AGMO: variants seen among roughly 807,000 people sequenced by gnomAD.
The protein encoded by AGMO is alkylglycerol monooxygenase, also known as glyceryl-ether monooxygenase.
Under a neutral mutation model 60.2 loss-of-function variants are expected in AGMO, and 75 were observed. The observed-to-expected ratio is 1.25, with a 90% CI of 1.03 to 1.51. The LOEUF (loss-of-function observed/expected upper bound fraction) is 1.51. Ranked by LOEUF, AGMO falls within the 40% of genes most tolerant of loss-of-function variation. AGMO has a pLI of 0.00. For missense variants in AGMO, 763 were observed against 525.5 expected, an observed-to-expected ratio of 1.45 and a Z score of -4.42; for synonymous variants, 261 against 177.1, an observed-to-expected ratio of 1.47 and a Z score of -3.76.
At chr7:15,218,114 A>G (rs1563039883) in intron 12 of AGMO, among the ~76,000 whole-genome samples, 1 of 152,130 alleles carries the variant, frequency 6.6e-6, no homozygotes, top group Non-Finnish European at 1.5e-5. Context: ...AAACAATTAA[A>G]TGCTGTAGAT....
At chr7:15,141,440 G>A in the AGMO span, among the ~76,000 whole-genome samples, 6 of 152,006 alleles carry the variant, frequency 3.9e-5, no homozygotes, top group East Asian at 1.9e-4. Context: ...AAAATTAGCC[G>A]AGTGTGGTGG....
At chr7:15,490,901 T>C (rs1253612201) in intron 3 of AGMO, among the ~76,000 whole-genome samples, 2 of 152,184 alleles carry the variant, frequency 1.3e-5, no homozygotes, top group African/African-American at 2.4e-5. Flanking sequence ...TTGAAAGCAG[T>C]TAGTAATAAT....
At chr7:15,173,913 C>G in the AGMO span, among the ~76,000 whole-genome samples, 14 of 149,442 alleles carry the variant, frequency 9.4e-5, no homozygotes. Flanking sequence ...AACTCATGAT[C>G]CTTTTGATTT....
chr7:15,430,114 T>C (rs372709499), intron 4 of AGMO, among the ~76,000 whole-genome samples: 3 of 152,084 alleles, frequency 2.0e-5, no homozygotes, highest in African/African-American at 7.2e-5. Context: ...GAAGATGAAG[T>C]AAGTCAATAT....
At chr7:15,120,024 A>C in the AGMO span, among the ~76,000 whole-genome samples, 3 of 150,686 alleles carry the variant, frequency 2.0e-5, no homozygotes, top group African/African-American at 4.9e-5. Flanking sequence ...AACAATTCAC[A>C]CCTTGAAATC....
chr7:15,414,117 C>G (rs909626984), intron 5 of AGMO, among the ~76,000 whole-genome samples: 4 of 151,970 alleles, frequency 2.6e-5, no homozygotes, highest in African/African-American at 9.7e-5. Flanking sequence ...ATGCCATTCT[C>G]CTGCCTCAGC....
At chr7:15,171,567 G>A in the AGMO span, among the ~76,000 whole-genome samples, 1 of 152,114 alleles carries the variant, frequency 6.6e-6, no homozygotes, top group Non-Finnish European at 1.5e-5. Context: ...ATTCTGCATG[G>A]GGGAATTTTC....
At chr7:15,367,852 T>C (rs1385843797) in intron 10 of AGMO, among the ~76,000 whole-genome samples, 1 of 152,102 alleles carries the variant, frequency 6.6e-6, no homozygotes, top group Non-Finnish European at 1.5e-5. Flanking sequence ...TGTTTCCCCT[T>C]GAAATGAATA....
rs191231436 is a variant in AGMO at position 15,505,237 on chromosome 7, G to A, written c.409+39535C>T. 8.5e-4 allele frequency among the ~76,000 whole-genome samples: 129 copies of A among 152,006 alleles called. 1 individual carries two copies. In the East Asian group the frequency reaches 9.3e-3, roughly 11 times the overall value. ...GCTATGATGTTTACTTAAAATAACA[G>A]GATTAAGAAATTAAGGCTATTTACT... On this transcript the variant is annotated intron_variant, in intron 3 of 12. Transcript: ENST00000342526.
rs1183491821 is a variant in AGMO, at chr7:15,453,654, C to A, written c.410-22546G>T. On this transcript the variant is annotated intron_variant, in intron 3 of 12. Coordinates refer to ENST00000342526, the MANE Select transcript of AGMO (RefSeq NM_001004320.2). ...AAGGAAAATACCAAAGTCAGAAAAA[C>A]CTAGAAGGTGAAAAACATCTGGAGA... Among the ~76,000 whole-genome samples the A allele has an allele frequency of 2.0e-5, 3 of 152,180 alleles. No individual in the cohort carries two copies. In the East Asian group the frequency reaches 5.8e-4, roughly 29 times the overall value.
At chr7:15,132,258 T>C in the AGMO span, among the ~76,000 whole-genome samples, 1 of 152,200 alleles carries the variant, frequency 6.6e-6, no homozygotes, top group Non-Finnish European at 1.5e-5. Context: ...AACTTATTGT[T>C]AGCATTTAAA....
chr7:15,549,099 T>C (rs1268100080), intron 2 of AGMO, among the ~76,000 whole-genome samples: 10 of 149,614 alleles, frequency 6.7e-5, no homozygotes, highest in Admixed American at 2.7e-4. Flanking sequence ...TAAAATACTT[T>C]ACAGACAAGC....
chr7:15,417,228 T>C (rs372769119), intron 5 of AGMO, among the ~76,000 whole-genome samples: 15 of 152,152 alleles, frequency 9.9e-5, no homozygotes, highest in African/African-American at 3.4e-4. Flanking sequence ...GTTCTAAGCA[T>C]TGCTTTTGAA....
intron 2 of AGMO, among the ~76,000 whole-genome samples, chr7:15,545,423 T>A (rs892025111): frequency 6.6e-6 from 1 of 152,056 alleles, no homozygotes; most frequent in African/African-American, 2.4e-5. Context: ...AGGTTAAAGT[T>A]GCTTCTGTCT....
At chr7:15,535,878 G>C (rs184585001) in intron 3 of AGMO, among the ~76,000 whole-genome samples, 1 of 151,776 alleles carries the variant, frequency 6.6e-6, no homozygotes, top group Non-Finnish European at 1.5e-5. Flanking sequence ...TCAAATACAA[G>C]GTAGGGCAGC....
chr7:15,512,012 C>CA (rs10716312), intron 3 of AGMO, among the ~76,000 whole-genome samples: 93,624 of 140,590 alleles, frequency 0.67, 31,362 homozygotes, highest in East Asian at 0.92. Flanking sequence ...AGAATACACA[C>CA]AAAAAAAAAA....
intron 12 of AGMO, among the ~76,000 whole-genome samples, chr7:15,273,747 T>C (rs1051933803): frequency 6.6e-6 from 1 of 152,190 alleles, no homozygotes; most frequent in Non-Finnish European, 1.5e-5. Context: ...ATTCTTCCTA[T>C]CCATGAACAT....
chr7:15,129,946 T>G, the AGMO span, among the ~76,000 whole-genome samples: 268 of 152,214 alleles, frequency 1.8e-3, 1 homozygote, highest in Middle Eastern at 3.4e-3. Flanking sequence ...CATGCTCGAG[T>G]AATCCCAAGG....
At chr7:15,516,759 C>CTTT (rs538054072) in intron 3 of AGMO, among the ~76,000 whole-genome samples, 2 of 146,290 alleles carry the variant, frequency 1.4e-5, no homozygotes, top group African/African-American at 5.0e-5. Context: ...AAGTTACATC[C>CTTT]TTTTTTTTTT....
Sources: gnomAD v4.1 joint callset for allele counts (sites outside exome capture counted in the v4.1 genomes callset) on GRCh38, gnomAD v4.1.1 for gene constraint, MANE v1.5 for transcripts, NCBI Gene and HGNC (gene_info 2026-07-23, HGNC 2026-07-21) for gene names.